The following CPLANE1 variants were observed in gnomAD, a reference collection of about 807,000 sequenced individuals.
CPLANE1 encodes ciliogenesis and planar polarity effector complex subunit 1.
In CPLANE1, 263 loss-of-function variants were observed where a neutral mutation model predicts 362.5. The observed-to-expected ratio is 0.73, with a 90% CI of 0.66 to 0.80. The LOEUF is 0.80. CPLANE1 is among the 30% of genes least tolerant of loss of function. CPLANE1 has a pLI of 0.00. For synonymous variants in CPLANE1, 1,212 were observed against 1,302.6 expected (o/e 0.93, Z 1.50); for missense variants, 3,461 against 3,793.4 (o/e 0.91, Z 2.30).
chr5:37,090,807 CTGTT>C, the CPLANE1 span, among the ~76,000 whole-genome samples: 14 of 152,214 alleles, frequency 9.2e-5, no homozygotes, highest in African/African-American at 2.7e-4. Context: ...TTGGCTTACA[CTGTT>C]TATTTATTGC....
chr5:37,167,195 T>C lies in CPLANE1; in HGVS notation c.7252A>G (p.Ile2418Val). The C allele has an allele frequency of 6.2e-7, 1 of 1,609,908 alleles. No homozygotes were observed. The highest frequency in any genetic ancestry group is 8.5e-7 in the Non-Finnish European group (1 of 1,179,154). ...PENRCKKTQL[I>V]PLENLIAFKQ... ...AACGCAATGAGGTTTTCAAGTGGGA[T>C]AAGTTGTGTTTTTTTGCACTACAAG... is the stretch of plus-strand genomic sequence containing the variant. Residue 2418 changes from isoleucine (I) to valine (V), a missense_variant, in exon 35 of 53, where the codon ATC becomes GTC. Transcript: ENST00000651892.
rs370451619 is a variant in CPLANE1 at position 37,183,703 on chromosome 5, T to C, written c.4482-4A>G. 47 of 1,541,166 alleles carry C rather than the reference T, an allele frequency of 3.0e-5. No homozygotes were observed. The highest frequency in any genetic ancestry group is 4.1e-5 in the Non-Finnish European group (47 of 1,147,970). ...TTCCATGTGATTTGGGGCATTTCTATAGCAAAAAAATAAAATAAGACAAAA... is the reference window on the plus strand; with the variant it reads ...TTCCATGTGATTTGGGGCATTTCTACAGCAAAAAAATAAAATAAGACAAAA... On this transcript the variant is annotated splice_region_variant and splice_polypyrimidine_tract_variant and intron_variant, in intron 25 of 52. Coordinates refer to ENST00000651892, the MANE Select transcript of CPLANE1 (RefSeq NM_001384732.1).
intron 8 of CPLANE1, among the ~76,000 whole-genome samples, chr5:37,235,803 C>G (rs187528361): frequency 1.5e-4 from 22 of 151,622 alleles, no homozygotes; most frequent in Admixed American, 1.4e-3. Context: ...AACTCCTGAC[C>G]TCGTGATCCG....
chr5:37,173,864 G>A lies in CPLANE1; in HGVS notation c.6062C>T (p.Pro2021Leu), dbSNP rs928348123. 6.2e-7 allele frequency: 1 copy of A among 1,613,996 alleles called. No homozygotes were observed. The highest frequency in any genetic ancestry group is 1.3e-5 in the African/African-American group (1 of 74,904). ...CTGGGTCTTCTGAGGTGTTGGAGCAGGTGGTTGTGAAGCAACATTGACTCC... is the reference window on the plus strand; with the variant it reads ...CTGGGTCTTCTGAGGTGTTGGAGCAAGTGGTTGTGAAGCAACATTGACTCC... ...SNGVNVASQP[P>L]APTPQKTQRN... Residue 2021 changes from proline (P) to leucine (L), a missense_variant, in exon 32 of 53, where the codon CCT (proline) becomes CTT (leucine). Coordinates refer to ENST00000651892, the MANE Select transcript of CPLANE1 (RefSeq NM_001384732.1).
chr5:37,139,852 T>C (rs1356246171), intron 44 of CPLANE1: 1 of 985,934 alleles, frequency 1.0e-6, no homozygotes, highest in Non-Finnish European at 1.2e-6. Context: ...ACCCAGCCAG[T>C]ATAAGATTAT....
At chr5:37,245,648 C>T (rs1402103681) in intron 3 of CPLANE1, 50 bp from the exon 4 acceptor site, 3 of 1,486,168 alleles carry the variant, frequency 2.0e-6, no homozygotes, top group Non-Finnish European at 2.7e-6. Flanking sequence ...TTTCCTTTAA[C>T]ATCACCCTAA....
In CPLANE1 at chr5:37,157,703, T is replaced by G. The variant is rs756411183; in HGVS notation, c.7978A>C (p.Asn2660His). 1.4e-5 allele frequency: 22 copies of G among 1,613,712 alleles called. No individual in the cohort carries two copies. Among genetic ancestry groups the G allele is most frequent in the Non-Finnish European group, 1.8e-5 (21 of 1,179,858 alleles). ...TTAAAATTATGTGGGGGAACAGCAT[T>G]AGTAACTGAAGCTGCCATATAATGT... is the stretch of plus-strand genomic sequence containing the variant. ...ELHYMAASVT[N>H]AVPPHNFKSQ... Residue 2660 changes from asparagine (N) to histidine (H), a missense_variant, in exon 40 of 53, where the codon AAT (asparagine) becomes CAT (histidine). Coordinates refer to ENST00000651892, the MANE Select transcript of CPLANE1 (RefSeq NM_001384732.1).
downstream of CPLANE1, among the ~76,000 whole-genome samples, chr5:37,103,990 T>C (rs533165278): frequency 6.6e-6 from 1 of 152,314 alleles, no homozygotes; most frequent in African/African-American, 2.4e-5. Context: ...CCCCATCTCT[T>C]TCAGGTACCC....
At chr5:37,081,974 T>C in the CPLANE1 span, among the ~76,000 whole-genome samples, 16 of 151,734 alleles carry the variant, frequency 1.1e-4, no homozygotes, top group Non-Finnish European at 2.1e-4. Context: ...CTGTCTCTAC[T>C]AAATACAAAA....
intron 32 of CPLANE1, among the ~76,000 whole-genome samples, 187 bp downstream of exon 32, chr5:37,173,568 G>A (rs945660157): frequency 2.0e-5 from 3 of 151,990 alleles, no homozygotes; most frequent in African/African-American, 7.2e-5. Context: ...ACCTCCCAAA[G>A]TGCTGGGATT....
chr5:37,142,185 C>T lies in CPLANE1; in HGVS notation c.8632+125G>A, dbSNP rs964459549. On this transcript the variant is annotated intron_variant, in intron 44 of 52. Transcript: ENST00000651892. ...CTAGCAAAAGTTTTAACTTTCCTTC[C>T]CCTAAAATAAATATTACAAAATGAC... 20 of 1,287,676 alleles carry T rather than the reference C, an allele frequency of 1.6e-5. No individual in the cohort carries two copies. In the African/African-American group the frequency reaches 2.5e-4, roughly 16 times the overall value. The allele number at this position is 1,287,676 out of a possible 1,614,324, so 79.8% of individuals were successfully genotyped here.
intron 41 of CPLANE1, among the ~76,000 whole-genome samples, chr5:37,155,122 T>C (rs1403357702): frequency 1.3e-5 from 2 of 152,232 alleles, no homozygotes; most frequent in Non-Finnish European, 2.9e-5. Context: ...AATTTATCTC[T>C]AGCCTATCTA....
intron 13 of CPLANE1, 86 bp downstream of exon 13, chr5:37,224,446 A>G: frequency 7.7e-7 from 1 of 1,304,962 alleles, no homozygotes; most frequent in East Asian, 2.5e-5. Context: ...TTTGAAAAAC[A>G]AATCATTACA....
At chr5:37,224,803 T>G in intron 12 of CPLANE1, 63 bp from the exon 13 acceptor site, 1 of 1,110,256 alleles carries the variant, frequency 9.0e-7, no homozygotes, top group Non-Finnish European at 1.3e-6. Flanking sequence ...TTTAGCCTCC[T>G]TTTTAGCCTA....
intron 42 of CPLANE1, among the ~76,000 whole-genome samples, chr5:37,153,303 T>A: frequency 6.6e-6 from 1 of 152,172 alleles, no homozygotes; most frequent in Non-Finnish European, 1.5e-5. Context: ...GAAGAAATAG[T>A]ACCAATCCTA....
rs1456305052 is a variant in CPLANE1 at position 37,243,030 on chromosome 5, A to G, written c.660T>C (p.Asn220=). ...LTFLAIRWHE[N]VFTSVRSLPY... ...TACCTCACCTTACAGATGTAAATAC[A>G]TTCTCATGCCACCGAATTGCTAGAA... The change falls in exon 6 of 53, where the codon AAT becomes AAC. Residue 220 remains asparagine, a synonymous_variant. Coordinates refer to ENST00000651892, the MANE Select transcript of CPLANE1 (RefSeq NM_001384732.1). 3 of 1,542,254 alleles carry G rather than the reference A, an allele frequency of 1.9e-6. No individual in the cohort carries two copies. The highest frequency in any genetic ancestry group is 2.6e-6 in the Non-Finnish European group (3 of 1,142,612).
intron 20 of CPLANE1, among the ~76,000 whole-genome samples, chr5:37,196,389 T>G (rs929085479): frequency 1.1e-4 from 17 of 152,090 alleles, no homozygotes; most frequent in African/African-American, 4.1e-4. Context: ...ACATAACTTT[T>G]AAAAAACTAA....
intron 15 of CPLANE1, among the ~76,000 whole-genome samples, chr5:37,217,965 G>A (rs1311667949): frequency 6.6e-6 from 1 of 151,872 alleles, no homozygotes; most frequent in Non-Finnish European, 1.5e-5. Context: ...GGTGACAAGA[G>A]CGAGACTCCA....
rs2150128418 is a variant in CPLANE1, at chr5:37,206,278, T to C, written c.3068A>G (p.Tyr1023Cys). The change falls in exon 17 of 53, where the codon TAT (tyrosine) becomes TGT (cysteine). Residue 1023 changes from tyrosine (Y) to cysteine (C), a missense_variant. Around this residue, in one of 2 missense-constraint regions of CPLANE1, gnomAD observed 3,380 missense variants for 3,666.1 expected, o/e 0.92. Coordinates refer to ENST00000651892, the MANE Select transcript of CPLANE1 (RefSeq NM_001384732.1). Reference sequence around the variant, plus strand: ...AGACGTCTTCCAGTCTCCAAGTTTATATGCCAACCACACAGCCTCTGGAAC... The same window carrying C: ...AGACGTCTTCCAGTCTCCAAGTTTACATGCCAACCACACAGCCTCTGGAAC... ...GLVPEAVWLA[Y>C]KLGDWKTSVS... 1.3e-6 allele frequency: 2 copies of C among 1,551,756 alleles called. No homozygotes were observed. The highest frequency in any genetic ancestry group is 1.2e-5 in the South Asian group (1 of 84,068).
Sources: allele counts gnomAD v4.1 joint callset (sites outside exome capture counted in the v4.1 genomes callset), GRCh38; gene constraint gnomAD v4.1.1; regional missense constraint gnomAD v4.1.1; transcripts MANE v1.5; gene names NCBI Gene and HGNC (gene_info 2026-07-23, HGNC 2026-07-21).